Variants in KIF26B observed in about 807,000 individuals in gnomAD.
KIF26B encodes kinesin-like protein KIF26B.
A neutral mutation model predicts 151.2 loss-of-function variants in KIF26B; 63 were observed. The ratio of observed to expected loss-of-function variants is 0.42; its 90% CI spans 0.34 to 0.51. The LOEUF (loss-of-function observed/expected upper bound fraction) is 0.51, where lower values mean the gene tolerates loss of function less well. KIF26B is among the 20% of genes least tolerant of loss of function. The pLI, the probability that KIF26B is intolerant of heterozygous loss-of-function variation, is 0.07. For missense variants in KIF26B, 2,813 were observed against 2,913.6 expected, an observed-to-expected ratio of 0.97 and a Z score of 0.79; for synonymous variants, 1,357 against 1,262.1, an observed-to-expected ratio of 1.08 and a Z score of -1.59.
At chr1:245,222,862 A>G (rs914425370) in intron 2 of KIF26B, among the ~76,000 whole-genome samples, 4 of 152,228 alleles carry the variant, frequency 2.6e-5, no homozygotes, top group African/African-American at 9.6e-5. Flanking sequence ...GCCTTTCTTA[A>G]CCCAATGTTT....
chr1:245,195,585 G>A (rs1669176739), intron 2 of KIF26B, among the ~76,000 whole-genome samples: 1 of 152,160 alleles, frequency 6.6e-6, no homozygotes, highest in Non-Finnish European at 1.5e-5. Context: ...CTCAGCGGAG[G>A]TCACTTAAGC....
chr1:245,432,240 G>C (rs1658798545), intron 4 of KIF26B, among the ~76,000 whole-genome samples: 1 of 152,294 alleles, frequency 6.6e-6, no homozygotes, highest in East Asian at 1.9e-4. Context: ...GCTTGGAGAA[G>C]TTTGCGAATT....
At chr1:245,473,591 A>C (rs1274127229) in intron 4 of KIF26B, among the ~76,000 whole-genome samples, 1 of 151,082 alleles carries the variant, frequency 6.6e-6, no homozygotes, top group Non-Finnish European at 1.5e-5. Flanking sequence ...AGAAAGGAAG[A>C]AGGAAACGAA....
intron 2 of KIF26B, among the ~76,000 whole-genome samples, chr1:245,210,659 A>G (rs1409753412): frequency 1.3e-5 from 2 of 152,142 alleles, no homozygotes; most frequent in African/African-American, 4.8e-5. Context: ...GAGTGTTTCC[A>G]GAGGAGGCCA....
At chr1:245,334,067 G>T (rs1672176246) in intron 2 of KIF26B, among the ~76,000 whole-genome samples, 1 of 152,082 alleles carries the variant, frequency 6.6e-6, no homozygotes. Flanking sequence ...ATTTATTTGG[G>T]GCTTAGAAGG....
intron 3 of KIF26B, among the ~76,000 whole-genome samples, chr1:245,415,356 C>T (rs537318060): frequency 1.3e-5 from 2 of 152,176 alleles, no homozygotes; most frequent in African/African-American, 2.4e-5. Context: ...TAGGACAATT[C>T]GGTTACAACC....
rs537661902 is a variant in KIF26B, at chr1:245,707,507, A to G, written c.*4901A>G. Reference sequence around the variant, plus strand: ...TTTACAGCATTGCTCGTGTTCTCTCATTTACTTATTATGCATCACGGTTGG... The same window carrying G: ...TTTACAGCATTGCTCGTGTTCTCTCGTTTACTTATTATGCATCACGGTTGG... On this transcript the variant is annotated 3_prime_UTR_variant, in exon 15 of 15. Transcript: ENST00000407071. 9.2e-5 allele frequency: 14 copies of G among 152,244 alleles called. No homozygotes were observed. The highest frequency in any genetic ancestry group is 3.1e-4 in the African/African-American group (13 of 41,520). The allele number at this position is 152,244 out of a possible 1,614,324, so 9.4% of individuals were successfully genotyped here.
intron 2 of KIF26B, among the ~76,000 whole-genome samples, chr1:245,268,469 CAAA>C (rs1465513939): frequency 8.1e-5 from 8 of 98,556 alleles, no homozygotes; most frequent in African/African-American, 1.3e-4. Context: ...ACTCCATCTC[CAAA>C]TAATAATAAT....
chr1:245,380,286 G>GA (rs1274108121), intron 3 of KIF26B, among the ~76,000 whole-genome samples: 2 of 152,170 alleles, frequency 1.3e-5, no homozygotes, highest in Non-Finnish European at 2.9e-5. Context: ...CCTGGGCAAT[G>GA]ACTTGAGACA....
chr1:245,184,050 G>GTTTTTTTTTGTTTTTTT (rs1668956799), intron 2 of KIF26B, among the ~76,000 whole-genome samples: 1 of 19,804 alleles, frequency 5.0e-5, no homozygotes, highest in Non-Finnish European at 9.9e-5. Context: ...GGGAGTTGTT[G>GTTTTTTTTTGTTTTTTT]TTTTTTTTTT....
rs573814587 is a variant in KIF26B at position 245,702,023 on chromosome 1, C to T, written c.6179-435C>T. 4.4e-4 allele frequency among the ~76,000 whole-genome samples: 67 copies of T among 152,318 alleles called. No individual in the cohort carries two copies. Among genetic ancestry groups the T allele is most frequent in the African/African-American group, 1.5e-3 (64 of 41,574 alleles). ...AGGCATCTGGGTTATAATCCAGAAA[C>T]GTCCTTTCATATAAGGAAGCAGAGG... On this transcript the variant is annotated intron_variant, in intron 14 of 14. Transcript: ENST00000407071. The surrounding 1 kb of genome is among the most constrained non-coding windows in gnomAD (Gnocchi z 4.1).
rs1300540240 is a variant in KIF26B at position 245,707,039 on chromosome 1, C to T, written c.*4433C>T. 6.6e-6 allele frequency: 1 copy of T among 152,156 alleles called. No homozygotes were observed. The highest frequency in any genetic ancestry group is 1.5e-5 in the Non-Finnish European group (1 of 68,020). 9.4% of individuals were successfully genotyped at this position (152,156 alleles called of 1,614,324 possible). On this transcript the variant is annotated 3_prime_UTR_variant, in exon 15 of 15. Coordinates refer to ENST00000407071, the MANE Select transcript of KIF26B (RefSeq NM_018012.4). Reference sequence around the variant, plus strand: ...AAATGACACATTTTAAAATTACAACCTGTTCATTATTTCCATCATAATGCA... The same window carrying T: ...AAATGACACATTTTAAAATTACAACTTGTTCATTATTTCCATCATAATGCA...
intron 10 of KIF26B, among the ~76,000 whole-genome samples, chr1:245,675,496 C>T (rs182970780): frequency 1.3e-5 from 2 of 152,288 alleles, no homozygotes; most frequent in East Asian, 3.9e-4. Flanking sequence ...TGTAGTTTAC[C>T]TCCCAGAAGC....
rs368909225 is a variant in KIF26B at position 245,670,539 on chromosome 1, AGAATT to A, written c.2259-13690_2259-13686del. Among the ~76,000 whole-genome samples the A allele has an allele frequency of 2.6e-3, 390 of 150,516 alleles. 2 individuals carry two copies. The highest frequency in any genetic ancestry group is 9.0e-3 in the African/African-American group (373 of 41,284). The stretch of plus-strand genomic sequence containing the variant: ...AATAAATGTCTCATTTAAAAAAAAA[AGAATT>A]GAAAGCAGGAAATGAAACAGATACT... On this transcript the variant is annotated intron_variant, in intron 10 of 14. Transcript: ENST00000407071.
At chr1:245,507,135 A>G (rs900631208) in intron 4 of KIF26B, among the ~76,000 whole-genome samples, 17 of 152,188 alleles carry the variant, frequency 1.1e-4, no homozygotes, top group South Asian at 8.3e-4. Context: ...CATTTTGGTG[A>G]GGGAGGAAGA....
At chr1:245,468,760 G>A (rs972354370) in intron 4 of KIF26B, among the ~76,000 whole-genome samples, 2 of 151,890 alleles carry the variant, frequency 1.3e-5, no homozygotes, top group Non-Finnish European at 2.9e-5. Context: ...AAGTTATAAC[G>A]TCCGGCAGTA....
intron 4 of KIF26B, among the ~76,000 whole-genome samples, chr1:245,464,545 G>A (rs1197085429): frequency 5.3e-5 from 8 of 150,048 alleles, no homozygotes; most frequent in South Asian, 4.2e-4. Flanking sequence ...GTGGGTGTGC[G>A]TGGGTGTGTT....
intron 2 of KIF26B, 21 bp downstream of exon 2, chr1:245,156,704 GCT>G: frequency 4.3e-6 from 6 of 1,410,298 alleles, no homozygotes; most frequent in African/African-American, 3.0e-5. Context: ...CGCGGGGCTG[GCT>G]GGGGAGGCGC....
Position 245,219,215 on chromosome 1 carries a change from T to G in KIF26B, c.465+62532T>G, listed in dbSNP as rs1483124200. Among the ~76,000 whole-genome samples, 5 of 129,608 alleles carry G rather than the reference T, an allele frequency of 3.9e-5. No individual in the cohort carries two copies. The Admixed American group carries it at 5.1e-4, about 13-fold the overall frequency. The allele number at this position is 129,608 out of a possible 152,430, so 85.0% of individuals were successfully genotyped here. ...GTGCAGTGATGCGATCTCAGCTCACTGCAAGCTTTGCCTCCCGGGTTCACA... is the reference window on the plus strand; with the variant it reads ...GTGCAGTGATGCGATCTCAGCTCACGGCAAGCTTTGCCTCCCGGGTTCACA... On this transcript the variant is annotated intron_variant, in intron 2 of 14. Coordinates refer to ENST00000407071, the MANE Select transcript of KIF26B (RefSeq NM_018012.4).
Sources: gnomAD v4.1 joint callset for allele counts (sites outside exome capture counted in the v4.1 genomes callset) on GRCh38, gnomAD v4.1.1 for gene constraint, Gnocchi (gnomAD v3.1) non-coding constraint, MANE v1.5 for transcripts, NCBI Gene and HGNC (gene_info 2026-07-23, HGNC 2026-07-21) for gene names.